VAMP4: variants seen among roughly 807,000 people sequenced by gnomAD.
VAMP4 encodes the protein vesicle-associated membrane protein 4.
VAMP4 carries 19 observed loss-of-function variants against 23.5 expected under a neutral mutation model. The ratio of observed to expected loss-of-function variants is 0.81; its 90% CI spans 0.56 to 1.19. The LOEUF is 1.19. Among genes scored for constraint, VAMP4 ranks in the 50% most tolerant of loss-of-function variants. The probability of loss-of-function intolerance (pLI) is 0.00; values close to 1 mark genes in which losing one functional copy is unlikely to be tolerated. For missense variants in VAMP4, 145 were observed against 168.6 expected (o/e 0.86, Z 0.78); for synonymous variants, 31 against 51.0 (o/e 0.61, Z 1.67).
chr1:171,737,285 G>A (rs564271272), intron 2 of VAMP4, among the ~76,000 whole-genome samples: 32 of 151,900 alleles, frequency 2.1e-4, no homozygotes, highest in African/African-American at 7.7e-4. Flanking sequence ...AAAGGAAGGA[G>A]GGCTTCAGAA....
At chr1:171,711,167 T>C (rs1017271611) in intron 4 of VAMP4, among the ~76,000 whole-genome samples, 3 of 152,134 alleles carry the variant, frequency 2.0e-5, no homozygotes, top group Non-Finnish European at 4.4e-5. Context: ...AACAGGCTAT[T>C]GAGGCAGCAC....
intron 4 of VAMP4, among the ~76,000 whole-genome samples, chr1:171,713,562 G>A (rs1654924121): frequency 6.6e-6 from 1 of 152,182 alleles, no homozygotes; most frequent in East Asian, 1.9e-4. Context: ...GCCAGGCCTG[G>A]TGGTTCATGC....
chr1:171,722,652 A>G (rs1015627298), intron 3 of VAMP4, among the ~76,000 whole-genome samples: 21 of 152,260 alleles, frequency 1.4e-4, no homozygotes, highest in Non-Finnish European at 2.6e-4. Context: ...GACACATGAA[A>G]AAATGCTCAT....
At chr1:171,727,255 A>AAAG (rs1655403811) in intron 3 of VAMP4, among the ~76,000 whole-genome samples, 1 of 150,756 alleles carries the variant, frequency 6.6e-6, no homozygotes, top group African/African-American at 2.4e-5. Flanking sequence ...AAAAAAAAAA[A>AAAG]AAAAGCCAAA....
intron 3 of VAMP4, among the ~76,000 whole-genome samples, chr1:171,720,260 C>T (rs913278363): frequency 2.0e-5 from 3 of 151,662 alleles, no homozygotes; most frequent in African/African-American, 7.3e-5. Context: ...CTTACAAGAG[C>T]TGGTCAACCG....
intron 2 of VAMP4, among the ~76,000 whole-genome samples, chr1:171,729,830 A>C (rs1655502533): frequency 1.3e-5 from 2 of 152,152 alleles, no homozygotes; most frequent in African/African-American, 4.8e-5. Flanking sequence ...TGGCTAATAC[A>C]GTCACCAAAA....
At chr1:171,711,288 T>A (rs1344266641) in intron 4 of VAMP4, among the ~76,000 whole-genome samples, 1 of 152,092 alleles carries the variant, frequency 6.6e-6, no homozygotes, top group Non-Finnish European at 1.5e-5. Context: ...AGGTAAAGGC[T>A]TATGAAACAT....
At chr1:171,730,500 G>C (rs188977630) in intron 2 of VAMP4, among the ~76,000 whole-genome samples, 9 of 152,322 alleles carry the variant, frequency 5.9e-5, no homozygotes, top group Admixed American at 5.2e-4. Flanking sequence ...GGGAGTGGGA[G>C]AGTGAAGTGA....
At chr1:171,717,928 G>C (rs966691862) in intron 4 of VAMP4, among the ~76,000 whole-genome samples, 21 of 152,144 alleles carry the variant, frequency 1.4e-4, no homozygotes, top group Non-Finnish European at 2.6e-4. Context: ...GAAGCACCAT[G>C]ACATCTATAG....
At chr1:171,733,725 G>A (rs549495482) in intron 2 of VAMP4, among the ~76,000 whole-genome samples, 2 of 152,122 alleles carry the variant, frequency 1.3e-5, no homozygotes, top group East Asian at 1.9e-4. Flanking sequence ...ATACATTGCC[G>A]GTGAGAATGT....
At chr1:171,724,128 G>A (rs1446692640) in intron 3 of VAMP4, among the ~76,000 whole-genome samples, 1 of 152,086 alleles carries the variant, frequency 6.6e-6, no homozygotes, top group Non-Finnish European at 1.5e-5. Flanking sequence ...ATACACCATG[G>A]AATACTACGC....
intron 3 of VAMP4, among the ~76,000 whole-genome samples, chr1:171,720,269 C>T (rs536501877): frequency 1.1e-4 from 16 of 151,326 alleles, no homozygotes; most frequent in Admixed American, 4.0e-4. Context: ...GCTGGTCAAC[C>T]GAAAAACAAA....
At chr1:171,708,882 A>AG (rs1056482094) in intron 6 of VAMP4, among the ~76,000 whole-genome samples, 1 of 149,048 alleles carries the variant, frequency 6.7e-6, no homozygotes, top group African/African-American at 2.5e-5. Context: ...CAAAGAAAAA[A>AG]AAAAAAAAAA....
intron 2 of VAMP4, among the ~76,000 whole-genome samples, chr1:171,736,482 G>A (rs2124870865): frequency 6.6e-6 from 1 of 152,266 alleles, no homozygotes; most frequent in East Asian, 1.9e-4. Flanking sequence ...GAAAAGATAG[G>A]TGACCAAAAT....
At chr1:171,740,265 A>C (rs1421569929) in intron 1 of VAMP4, among the ~76,000 whole-genome samples, 1 of 152,172 alleles carries the variant, frequency 6.6e-6, no homozygotes, top group Non-Finnish European at 1.5e-5. Context: ...TTCTAGAAAG[A>C]CTCACTTCCT....
intron 4 of VAMP4, among the ~76,000 whole-genome samples, chr1:171,713,799 C>T (rs1654930244): frequency 6.6e-6 from 1 of 152,024 alleles, no homozygotes; most frequent in Non-Finnish European, 1.5e-5. Flanking sequence ...CACCACTGCA[C>T]TTCAGCCTTA....
chr1:171,724,584 A>G (rs569077723), intron 3 of VAMP4, among the ~76,000 whole-genome samples: 50 of 152,348 alleles, frequency 3.3e-4, no homozygotes, highest in African/African-American at 1.2e-3. Flanking sequence ...ACCCAAATAA[A>G]TAAAAAGATA....
chr1:171,732,228 A>G (rs569077617), intron 2 of VAMP4, among the ~76,000 whole-genome samples: 1 of 152,224 alleles, frequency 6.6e-6, no homozygotes, highest in Non-Finnish European at 1.5e-5. Flanking sequence ...AAGTTTTAAA[A>G]TACTCTTCTC....
At chr1:171,716,188 A>G (rs1479443380) in intron 4 of VAMP4, among the ~76,000 whole-genome samples, 1 of 152,112 alleles carries the variant, frequency 6.6e-6, no homozygotes, top group Non-Finnish European at 1.5e-5. Flanking sequence ...GGAATCTCAT[A>G]AAAGTTAAGC....
Sources: gnomAD v4.1 joint callset for allele counts (sites outside exome capture counted in the v4.1 genomes callset) on GRCh38, gnomAD v4.1.1 for gene constraint, MANE v1.5 for transcripts, NCBI Gene and HGNC (gene_info 2026-07-23, HGNC 2026-07-21) for gene names.